The following DHX15 variants were observed in gnomAD, a reference collection of about 807,000 sequenced individuals.
The protein encoded by DHX15 is DEAH-box helicase 15, also known as ATP-dependent RNA helicase DHX15.
Under a neutral mutation model 94.4 loss-of-function variants are expected in DHX15, and 11 were observed. That is an observed-to-expected ratio of 0.12 (90% CI 0.07 to 0.19). DHX15 has a LOEUF of 0.19. DHX15 is among the 10% of genes least tolerant of loss of function. The pLI is 1.00. For missense variants in DHX15, 304 were observed against 988.5 expected (o/e 0.31, Z 9.29); for synonymous variants, 338 against 329.9 (o/e 1.02, Z -0.27).
chr4:24,530,225 C>T (rs966738544), intron 12 of DHX15: 1 of 192,982 alleles, frequency 5.2e-6, no homozygotes, highest in African/African-American at 2.4e-5. Flanking sequence ...CTGCCTGAGA[C>T]CATCTAGAGC....
At chr4:24,554,972 C>G (rs753455055) in intron 4 of DHX15, 29 bp from the exon 5 acceptor site, 2 of 1,561,950 alleles carry the variant, frequency 1.3e-6, no homozygotes, top group Non-Finnish European at 1.8e-6. Context: ...TTATTTGAAG[C>G]TGTCTTCAAG....
At chr4:24,540,372 T>C in intron 9 of DHX15, 73 bp from the exon 10 acceptor site, 2 of 1,260,942 alleles carry the variant, frequency 1.6e-6, no homozygotes, top group South Asian at 1.7e-5. Flanking sequence ...CAAACTATTA[T>C]AAGCAATCTC....
chr4:24,566,299 G>C (rs934081508), intron 3 of DHX15, among the ~76,000 whole-genome samples: 1 of 152,024 alleles, frequency 6.6e-6, no homozygotes, highest in African/African-American at 2.4e-5. Context: ...GCCTCCCAAA[G>C]TGTTGGGACT....
intron 9 of DHX15, 151 bp from the exon 10 acceptor site, chr4:24,540,450 C>A: frequency 3.1e-6 from 2 of 648,542 alleles, no homozygotes; most frequent in South Asian, 3.1e-5. Flanking sequence ...ACAGATCTAG[C>A]AAACAATGAA....
chr4:24,581,385 G>GA (rs375827729), intron 1 of DHX15, among the ~76,000 whole-genome samples: 16 of 150,520 alleles, frequency 1.1e-4, no homozygotes, highest in African/African-American at 3.4e-4. Context: ...TTTCTGAGTG[G>GA]AAAAAAAAAT....
At chr4:24,542,389 T>C (rs1721330917) in intron 7 of DHX15, among the ~76,000 whole-genome samples, 1 of 152,198 alleles carries the variant, frequency 6.6e-6, no homozygotes, top group South Asian at 2.1e-4. Flanking sequence ...GTCTGAGTAC[T>C]ATTACTCTGT....
intron 6 of DHX15, among the ~76,000 whole-genome samples, chr4:24,544,154 T>C (rs533681203): frequency 4.6e-5 from 7 of 152,184 alleles, no homozygotes; most frequent in Non-Finnish European, 1.0e-4. Flanking sequence ...GAAATGCCTA[T>C]GGGCACATAC....
chr4:24,556,075 G>A (rs1721732683), intron 4 of DHX15, among the ~76,000 whole-genome samples, 176 bp downstream of exon 4: 1 of 152,082 alleles, frequency 6.6e-6, no homozygotes, highest in Admixed American at 6.6e-5. Context: ...TATAAAGGGG[G>A]AGAAATAAAG....
At chr4:24,578,290 G>C (rs1391809643) in intron 1 of DHX15, among the ~76,000 whole-genome samples, 3 of 152,194 alleles carry the variant, frequency 2.0e-5, no homozygotes, top group Admixed American at 2.0e-4. Flanking sequence ...TGCTTCTCCT[G>C]CTTCTGGCCT....
chr4:24,579,236 G>A (rs1257956547), intron 1 of DHX15, among the ~76,000 whole-genome samples: 1 of 152,156 alleles, frequency 6.6e-6, no homozygotes, highest in Non-Finnish European at 1.5e-5. Context: ...ATTAAAGTAA[G>A]AAAACAGGGA....
intron 1 of DHX15, among the ~76,000 whole-genome samples, chr4:24,576,936 T>G (rs1005166649): frequency 6.6e-6 from 1 of 152,238 alleles, no homozygotes; most frequent in South Asian, 2.1e-4. Flanking sequence ...GAACTCAGTC[T>G]GCTGCAAGTA....
intron 12 of DHX15, among the ~76,000 whole-genome samples, chr4:24,531,299 A>G (rs1577330929): frequency 6.6e-6 from 1 of 151,940 alleles, no homozygotes; most frequent in South Asian, 2.1e-4. Flanking sequence ...CATGTTAGCC[A>G]GGATGGTCTC....
At chr4:24,552,583 C>T (rs898704815) in intron 5 of DHX15, among the ~76,000 whole-genome samples, 4 of 152,120 alleles carry the variant, frequency 2.6e-5, no homozygotes, top group African/African-American at 9.7e-5. Flanking sequence ...GTACTGATTT[C>T]GCAGTTGCAT....
intron 5 of DHX15, among the ~76,000 whole-genome samples, chr4:24,554,415 C>T (rs1425147772): frequency 6.6e-6 from 1 of 152,212 alleles, no homozygotes; most frequent in African/African-American, 2.4e-5. Context: ...TTCAAAGCAG[C>T]TGTGATGCAC....
intron 3 of DHX15, among the ~76,000 whole-genome samples, chr4:24,566,303 T>C (rs1278817705): frequency 6.6e-6 from 1 of 152,094 alleles, no homozygotes; most frequent in Non-Finnish European, 1.5e-5. Context: ...CCCAAAGTGT[T>C]GGGACTACAT....
At chr4:24,560,255 C>CA (rs1346572718) in intron 3 of DHX15, among the ~76,000 whole-genome samples, 1 of 150,982 alleles carries the variant, frequency 6.6e-6, no homozygotes, top group African/African-American at 2.4e-5. Flanking sequence ...TGAAACATTC[C>CA]AAAAAATTAC....
chr4:24,571,268 TAATTC>T (rs1468403595), intron 2 of DHX15, among the ~76,000 whole-genome samples: 1 of 152,142 alleles, frequency 6.6e-6, no homozygotes, highest in Non-Finnish European at 1.5e-5. Flanking sequence ...TACTTTTATT[TAATTC>T]AATTCAAATT....
chr4:24,548,790 A>C, intron 6 of DHX15, 65 bp downstream of exon 6: 5 of 1,458,440 alleles, frequency 3.4e-6, no homozygotes, highest in Non-Finnish European at 4.6e-6. Flanking sequence ...TTTATAACTG[A>C]ATACAGTTTA....
chr4:24,538,817 A>T (rs1262034373), intron 10 of DHX15: 1 of 152,162 alleles, frequency 6.6e-6, no homozygotes, highest in Non-Finnish European at 1.5e-5. Context: ...TTAAAGAGCT[A>T]ATATTCTAAA....
Sources: allele counts gnomAD v4.1 joint callset (sites outside exome capture counted in the v4.1 genomes callset), GRCh38; gene constraint gnomAD v4.1.1; transcripts MANE v1.5; gene names NCBI Gene and HGNC (gene_info 2026-07-23, HGNC 2026-07-21).